The following DENND1A variants were observed in gnomAD, a reference collection of about 807,000 sequenced individuals.
DENND1A encodes the protein DENN domain-containing protein 1A.
Under a neutral mutation model 113.7 loss-of-function variants are expected in DENND1A, and 51 were observed. The ratio of observed to expected loss-of-function variants is 0.45; its 90% CI spans 0.36 to 0.57. The LOEUF (loss-of-function observed/expected upper bound fraction) is 0.57. Ranked by LOEUF, DENND1A falls within the 20% of genes least tolerant of loss-of-function variation. DENND1A has a pLI of 0.00. For missense variants in DENND1A, 1,258 were observed against 1,395.9 expected (o/e 0.90, Z 1.57); for synonymous variants, 565 against 570.8 (o/e 0.99, Z 0.14).
chr9:123,557,991 CA>C (rs111968520), intron 12 of DENND1A, among the ~76,000 whole-genome samples: 71 of 138,354 alleles, frequency 5.1e-4, no homozygotes, highest in East Asian at 2.3e-3. Flanking sequence ...AACTCAGTCT[CA>C]AAAAAAAAAA....
intron 9 of DENND1A, among the ~76,000 whole-genome samples, chr9:123,635,165 A>T (rs974697021): frequency 6.6e-6 from 1 of 152,192 alleles, no homozygotes; most frequent in Non-Finnish European, 1.5e-5. Context: ...GCTGAATCCT[A>T]ATAGCAGCTC....
At chr9:123,859,472 C>T (rs947294904) in intron 2 of DENND1A, among the ~76,000 whole-genome samples, 1 of 151,270 alleles carries the variant, frequency 6.6e-6, no homozygotes, top group African/African-American at 2.4e-5. Context: ...CAAATAGGTT[C>T]AGAGAGGTTA....
At chr9:123,599,749 C>T (rs183919480) in intron 11 of DENND1A, among the ~76,000 whole-genome samples, 1 of 152,352 alleles carries the variant, frequency 6.6e-6, no homozygotes, top group Admixed American at 6.5e-5. Flanking sequence ...CAAGAACATG[C>T]ATTAATTTGT....
intron 1 of DENND1A, among the ~76,000 whole-genome samples, chr9:123,920,856 A>G (rs966329905): frequency 6.6e-6 from 1 of 151,924 alleles, no homozygotes; most frequent in African/African-American, 2.4e-5. Context: ...TACAGGTGTG[A>G]GCTACCGGGC....
In DENND1A at chr9:123,721,238, C is replaced by T. The variant is rs1470408600; in HGVS notation, c.302+36465G>A. Among the ~76,000 whole-genome samples, 4 of 152,352 alleles carry T rather than the reference C, an allele frequency of 2.6e-5. No individual in the cohort carries two copies. The East Asian group carries it at 7.7e-4, about 29-fold the overall frequency. ...TTCTTCACTGACTTCAGGATCAAGT[C>T]CAAAAGCCACCACATGACCTGTGAG... On this transcript the variant is annotated intron_variant, in intron 5 of 23. Coordinates refer to ENST00000394215, the MANE Select transcript of DENND1A (RefSeq NM_001352964.2).
intron 13 of DENND1A, among the ~76,000 whole-genome samples, chr9:123,553,564 T>C (rs1395585914): frequency 6.6e-6 from 1 of 152,102 alleles, no homozygotes; most frequent in Non-Finnish European, 1.5e-5. Context: ...AAAAAAAATA[T>C]TAATAACTAG....
chr9:123,457,319 C>T (rs1035373569), intron 15 of DENND1A, 29 bp downstream of exon 15: 1 of 1,568,168 alleles, frequency 6.4e-7, no homozygotes, highest in Admixed American at 1.7e-5. Context: ...CAGCCTGCAG[C>T]CCCGGAAGGA....
At chr9:123,798,841 AT>A (rs557232778) in intron 2 of DENND1A, among the ~76,000 whole-genome samples, 62 of 151,936 alleles carry the variant, frequency 4.1e-4, no homozygotes, top group African/African-American at 1.5e-3. Context: ...AATATTTGGA[AT>A]TTTTTAAAAT....
intron 19 of DENND1A, among the ~76,000 whole-genome samples, chr9:123,436,405 G>C (rs1231008567): frequency 6.6e-6 from 1 of 152,238 alleles, no homozygotes; most frequent in Admixed American, 6.5e-5. Flanking sequence ...TGAAGTGTTT[G>C]CAACATTTGC....
intron 13 of DENND1A, among the ~76,000 whole-genome samples, chr9:123,494,799 CT>C (rs888060897): frequency 8.1e-5 from 12 of 149,034 alleles, no homozygotes; most frequent in Admixed American, 1.3e-4. Flanking sequence ...TTTTTTTGTA[CT>C]TTTTTTTTTG....
chr9:123,416,047 G>A (rs868591158), intron 19 of DENND1A, among the ~76,000 whole-genome samples: 23 of 152,196 alleles, frequency 1.5e-4, no homozygotes, highest in Admixed American at 1.0e-3. Context: ...TGGCCCCGGT[G>A]CTCTAGAAGC....
chr9:123,557,749 GCTGA>G (rs767723704), intron 12 of DENND1A, 54 bp from the exon 13 acceptor site: 78 of 1,598,164 alleles, frequency 4.9e-5, no homozygotes, highest in Non-Finnish European at 6.5e-5. Flanking sequence ...AAGTAGGGTG[GCTGA>G]CTAAGCCCAC....
chr9:123,731,115 G>A, intron 5 of DENND1A, among the ~76,000 whole-genome samples: 1 of 152,074 alleles, frequency 6.6e-6, no homozygotes, highest in East Asian at 1.9e-4. Flanking sequence ...TGGGGGTGGG[G>A]AGCTAGGGGA....
chr9:123,485,460 G>A (rs2050718476), intron 13 of DENND1A: 1 of 152,312 alleles, frequency 6.6e-6, no homozygotes, highest in South Asian at 2.1e-4. Context: ...CTGCAGCTTG[G>A]AGGAGCTAAT....
chr9:123,424,215 G>A (rs1302213722), intron 19 of DENND1A, among the ~76,000 whole-genome samples: 2 of 152,186 alleles, frequency 1.3e-5, no homozygotes, highest in Non-Finnish European at 2.9e-5. Context: ...GGGTTGCTGA[G>A]GGAGGGTGTC....
intron 5 of DENND1A, among the ~76,000 whole-genome samples, chr9:123,749,875 G>A (rs915306898): frequency 1.3e-5 from 2 of 152,210 alleles, no homozygotes; most frequent in Admixed American, 6.5e-5. Context: ...CCAAAACAGA[G>A]AAAGTATCAC....
intron 19 of DENND1A, 92 bp from the exon 20 acceptor site, chr9:123,411,921 TAAGCCA>T: frequency 1.1e-6 from 1 of 899,330 alleles, no homozygotes; most frequent in Non-Finnish European, 1.3e-6. Flanking sequence ...CCCAGTCACC[TAAGCCA>T]GAGCCAGAGG....
chr9:123,517,033 G>A, intron 13 of DENND1A, among the ~76,000 whole-genome samples: 1 of 151,486 alleles, frequency 6.6e-6, no homozygotes. Context: ...TTAGTTTAAG[G>A]AAAAACTCTA....
chr9:123,622,393 T>C (rs777525952), intron 10 of DENND1A, among the ~76,000 whole-genome samples: 2 of 152,262 alleles, frequency 1.3e-5, no homozygotes, highest in Admixed American at 6.5e-5. Context: ...AAATACCATA[T>C]GGTTTCTACT....
Sources: allele counts gnomAD v4.1 joint callset (sites outside exome capture counted in the v4.1 genomes callset), GRCh38; gene constraint gnomAD v4.1.1; transcripts MANE v1.5; gene names NCBI Gene and HGNC (gene_info 2026-07-23, HGNC 2026-07-21).